SLC1A6: variants seen among roughly 807,000 people sequenced by gnomAD.
SLC1A6 encodes excitatory amino acid transporter 4.
Under a neutral mutation model 42.1 loss-of-function variants are expected in SLC1A6, and 15 were observed. That is an observed-to-expected ratio of 0.36 (90% CI 0.24 to 0.55). The LOEUF (loss-of-function observed/expected upper bound fraction) is 0.55. Among genes scored for constraint, SLC1A6 ranks in the 20% least tolerant of loss-of-function variants. The probability of loss-of-function intolerance (pLI) is 0.88; values close to 1 mark genes in which losing one functional copy is unlikely to be tolerated. For missense variants in SLC1A6, 542 were observed against 772.5 expected, an observed-to-expected ratio of 0.70 and a Z score of 3.54; for synonymous variants, 317 against 319.7, an observed-to-expected ratio of 0.99 and a Z score of 0.09.
At chr19:14,967,813 T>C (rs62113277) in intron 4 of SLC1A6, among the ~76,000 whole-genome samples, 58,898 of 152,048 alleles carry the variant, frequency 0.39, 11,830 homozygotes, top group East Asian at 0.6. Flanking sequence ...CCACCAGCCA[T>C]AACTACAGCT....
rs1456321516 is a variant in SLC1A6, at chr19:14,978,975, CATTT to C, written c.-8+330_-8+333del. 2.6e-5 allele frequency among the ~76,000 whole-genome samples: 4 copies of C among 151,256 alleles called. No individual in the cohort carries two copies. The East Asian group carries it at 7.8e-4, about 30-fold the overall frequency. The stretch of plus-strand genomic sequence containing the variant: ...CTTCAGACTTTCAAAATCATCCTCA[CATTT>C]AAACATTCAGCTCCACACACCTGTT... On this transcript the variant is annotated intron_variant, in intron 1 of 9. Transcript: ENST00000594383.
At chr19:15,000,001 C>A (rs56073851) in intron 1 of SLC1A6, among the ~76,000 whole-genome samples, 6 of 150,374 alleles carry the variant, frequency 4.0e-5, no homozygotes, top group Admixed American at 2.6e-4. Context: ...CCCCCTCCCC[C>A]CCACCCCACA....
chr19:14,961,138 C>T (rs575260360), intron 6 of SLC1A6, among the ~76,000 whole-genome samples: 26 of 152,084 alleles, frequency 1.7e-4, no homozygotes, highest in African/African-American at 6.3e-4. Flanking sequence ...AATTCCTGGG[C>T]TCAAGTGATT....
At chr19:14,955,421 A>AAAC (rs764984187) in intron 7 of SLC1A6, among the ~76,000 whole-genome samples, 45 of 151,686 alleles carry the variant, frequency 3.0e-4, no homozygotes, top group East Asian at 2.7e-3. Flanking sequence ...TCTCTACCAA[A>AAAC]AACAACAACA....
chr19:14,961,895 A>G (rs2045515454), intron 6 of SLC1A6, 107 bp downstream of exon 6: 1 of 1,483,760 alleles, frequency 6.7e-7, no homozygotes, highest in African/African-American at 1.4e-5. Context: ...ATCACCCAAT[A>G]CGTAAATGAA....
rs573693848 is a variant in SLC1A6, at chr19:14,994,021, A to C, written c.6+16464T>G. 5.1e-4 allele frequency among the ~76,000 whole-genome samples: 78 copies of C among 152,214 alleles called. 2 individuals carry two copies. Among genetic ancestry groups the C allele is most frequent in the Admixed American group, 7.2e-4 (11 of 15,278 alleles). ...TTTGCAGTTGACCCCATTTCTCAGA[A>C]CATTTGCTTCTCTCAACCCCAGATA... On this transcript the variant is annotated intron_variant, in intron 1 of 8. Transcript: ENST00000430939.
chr19:14,954,054 T>TCCAA, intron 8 of SLC1A6, 81 bp downstream of exon 8: 1 of 978,310 alleles, frequency 1.0e-6, no homozygotes, highest in Non-Finnish European at 1.5e-6. Flanking sequence ...TGAGGCCCCC[T>TCCAA]CCTCCCTCCC....
intron 1 of SLC1A6, among the ~76,000 whole-genome samples, chr19:14,991,886 C>T (rs185029735): frequency 7.9e-4 from 119 of 150,782 alleles, no homozygotes; most frequent in Middle Eastern, 6.9e-3. Flanking sequence ...CACGCAGTGG[C>T]GTGATCTTGG....
chr19:14,956,073 G>C (rs1749253842), intron 7 of SLC1A6, among the ~76,000 whole-genome samples: 1 of 152,122 alleles, frequency 6.6e-6, no homozygotes, highest in South Asian at 2.1e-4. Context: ...GGAGGAAGAA[G>C]AAAAAGGAGG....
intron 1 of SLC1A6, chr19:14,973,406 C>G (rs1273528649): frequency 6.5e-6 from 1 of 153,406 alleles, no homozygotes; most frequent in Non-Finnish European, 1.4e-5. Context: ...AGTGACAGAG[C>G]ACAGCCCTGT....
intron 1 of SLC1A6, among the ~76,000 whole-genome samples, chr19:14,985,097 G>C (rs2045786901): frequency 6.6e-6 from 1 of 152,214 alleles, no homozygotes; most frequent in African/African-American, 2.4e-5. Context: ...GGCCAGGCTG[G>C]TCTTGAACTC....
intron 1 of SLC1A6, among the ~76,000 whole-genome samples, chr19:14,986,522 CAAAA>C (rs957267768): frequency 9.1e-6 from 1 of 109,982 alleles, no homozygotes. Context: ...AACTCCGTCT[CAAAA>C]AAAAAAAAAG....
At chr19:14,954,072 C>A in intron 8 of SLC1A6, 63 bp downstream of exon 8, 84 of 1,311,966 alleles carry the variant, frequency 6.4e-5, no homozygotes, top group Non-Finnish European at 8.0e-5. Flanking sequence ...CCCCAACCCT[C>A]CCAGCCAAGC....
chr19:14,986,648 T>C (rs1323691946), intron 1 of SLC1A6, among the ~76,000 whole-genome samples: 2 of 151,414 alleles, frequency 1.3e-5, no homozygotes, highest in African/African-American at 4.9e-5. Flanking sequence ...TGGAGTGCAG[T>C]GGTGCAATCA....
chr19:14,956,639 C>A lies in SLC1A6; in HGVS notation c.1006G>T (p.Gly336Trp), dbSNP rs1227377817. 6.2e-7 allele frequency: 1 copy of A among 1,613,944 alleles called. No individual in the cohort carries two copies. Among genetic ancestry groups the A allele is most frequent in the Non-Finnish European group, 8.5e-7 (1 of 1,179,936 alleles). Residue 336 changes from glycine (G) to tryptophan (W), a missense_variant, in exon 7 of 10, where the codon GGG (glycine) becomes TGG (tryptophan). Transcript: ENST00000594383. Reference protein sequence around the residue: ...ILEMEDMAVLGGQLGMYTLTV... With the variant: ...ILEMEDMAVLWGQLGMYTLTV... ...AGGGTGTACATGCCCAGCTGACCCCCCAGGACGGCCATGTCTTCCATCTCC... is the reference window on the plus strand; with the variant it reads ...AGGGTGTACATGCCCAGCTGACCCCACAGGACGGCCATGTCTTCCATCTCC...
intron 1 of SLC1A6, among the ~76,000 whole-genome samples, chr19:14,996,965 A>AT (rs1253507506): frequency 6.6e-6 from 1 of 152,086 alleles, no homozygotes; most frequent in African/African-American, 2.4e-5. Flanking sequence ...TGAAAGGAAA[A>AT]TAAATCTTGG....
At chr19:14,991,205 AG>A (rs1422056046) in intron 1 of SLC1A6, among the ~76,000 whole-genome samples, 1 of 152,182 alleles carries the variant, frequency 6.6e-6, no homozygotes, top group African/African-American at 2.4e-5. Flanking sequence ...CGTGGTTGCC[AG>A]GGGCTGCAGG....
At chr19:14,975,023 A>G (rs971244186) in intron 1 of SLC1A6, 3 of 139,810 alleles carry the variant, frequency 2.1e-5, no homozygotes, top group African/African-American at 8.4e-5. Context: ...AAAAATTAAA[A>G]TGAATATGTT....
chr19:15,010,335 G>T, intron 1 of SLC1A6: 1 of 283,514 alleles, frequency 3.5e-6, no homozygotes, highest in Non-Finnish European at 7.2e-6. Flanking sequence ...GGCCAGCCAT[G>T]GGAGTATTCT....
Sources: allele counts gnomAD v4.1 joint callset (sites outside exome capture counted in the v4.1 genomes callset), GRCh38; gene constraint gnomAD v4.1.1; transcripts MANE v1.5; gene names NCBI Gene and HGNC (gene_info 2026-07-23, HGNC 2026-07-21).